MCTP1: variants seen among roughly 807,000 people sequenced by gnomAD.
MCTP1 encodes the protein multiple C2 and transmembrane domain-containing protein 1.
Under a neutral mutation model 120.6 loss-of-function variants are expected in MCTP1, and 69 were observed. The ratio of observed to expected loss-of-function variants is 0.57; its 90% CI spans 0.47 to 0.70. The LOEUF is 0.70. Ranked by LOEUF, MCTP1 falls within the 30% of genes least tolerant of loss-of-function variation. The probability of loss-of-function intolerance (pLI) is 0.00; values close to 1 mark genes in which losing one functional copy is unlikely to be tolerated. For missense variants in MCTP1, 1,203 were observed against 1,248.8 expected (o/e 0.96, Z 0.55); for synonymous variants, 529 against 493.1 (o/e 1.07, Z -0.96).
Position 94,707,514 on chromosome 5 carries a change from C to G in MCTP1, c.2982G>C (p.Lys994Asn), listed in dbSNP as rs748104132. Residue 994 changes from lysine (K) to asparagine (N), a missense_variant, in exon 23 of 23, where the codon AAG becomes AAC. Physicochemically the swap from Lys to Asn is moderately conservative, Grantham distance 94. Around this residue, in one of 2 missense-constraint regions of MCTP1, gnomAD observed 740 missense variants for 871.1 expected, o/e 0.85. Coordinates refer to ENST00000515393, the MANE Select transcript of MCTP1 (RefSeq NM_024717.7). Reference sequence around the variant, plus strand: ...GAGCTGGCTAGCCAAGATTGTTTTTCTTTCTTTTATATGGGCTATGAGAAG... The same window carrying G: ...GAGCTGGCTAGCCAAGATTGTTTTTGTTTCTTTTATATGGGCTATGAGAAG... The part of the protein sequence containing the change: ...PDPSHSPYKR[K>N]KNNLG 4 of 1,611,626 alleles carry G rather than the reference C, an allele frequency of 2.5e-6. No homozygotes were observed. The highest frequency in any genetic ancestry group is 3.4e-6 in the Non-Finnish European group (4 of 1,178,392).
At chr5:95,036,890 C>T (rs1452966200) in intron 1 of MCTP1, among the ~76,000 whole-genome samples, 4 of 132,920 alleles carry the variant, frequency 3.0e-5, no homozygotes. Context: ...GTTACCCTAC[C>T]CTTATCCAGA....
intron 1 of MCTP1, among the ~76,000 whole-genome samples, chr5:95,187,170 G>A (rs190261795): frequency 1.6e-4 from 24 of 152,314 alleles, no homozygotes; most frequent in Admixed American, 9.8e-4. Flanking sequence ...TTGCTGCACT[G>A]TTCACAATAG....
intron 2 of MCTP1, among the ~76,000 whole-genome samples, chr5:94,996,664 C>T (rs1350190720): frequency 6.6e-6 from 1 of 152,060 alleles, no homozygotes; most frequent in African/African-American, 2.4e-5. Context: ...TGTACATGTT[C>T]AGTAGAGATG....
intron 14 of MCTP1, 110 bp downstream of exon 14, chr5:94,871,205 A>G: frequency 1.3e-6 from 1 of 760,384 alleles, no homozygotes; most frequent in African/African-American, 1.8e-5. Flanking sequence ...TTCTTATTAC[A>G]GACCTTGGTT....
At chr5:95,063,800 G>A (rs1749890319) in intron 1 of MCTP1, among the ~76,000 whole-genome samples, 1 of 145,548 alleles carries the variant, frequency 6.9e-6, no homozygotes. Context: ...GTTTTGCCAT[G>A]TTGCCTAGGC....
intron 2 of MCTP1, among the ~76,000 whole-genome samples, chr5:94,984,364 A>G (rs1448683487): frequency 6.6e-6 from 1 of 152,196 alleles, no homozygotes. Context: ...TAAGGTAAAG[A>G]ACTGAATCAG....
chr5:94,977,444 A>AT (rs1222039504), intron 2 of MCTP1, among the ~76,000 whole-genome samples: 10 of 152,154 alleles, frequency 6.6e-5, no homozygotes, highest in African/African-American at 2.4e-4. Context: ...TTCCAATGAT[A>AT]TTTTTTACAG....
intron 1 of MCTP1, among the ~76,000 whole-genome samples, chr5:95,252,090 C>T (rs1262643443): frequency 2.6e-5 from 4 of 152,020 alleles, no homozygotes; most frequent in African/African-American, 7.2e-5. Flanking sequence ...TATAGCCAAG[C>T]AGATACAACC....
At chr5:95,026,908 ATTTCTACTTAGTCATGACCAG>A (rs1463004374) in intron 1 of MCTP1, among the ~76,000 whole-genome samples, 1 of 152,200 alleles carries the variant, frequency 6.6e-6, no homozygotes, top group Non-Finnish European at 1.5e-5. Context: ...ATCATTGAAG[ATTTCTACTTAGTCATGACCAG>A]TTTCTACTTA....
At chr5:94,854,464 A>C (rs1794352640) in intron 17 of MCTP1, among the ~76,000 whole-genome samples, 1 of 151,874 alleles carries the variant, frequency 6.6e-6, no homozygotes, top group African/African-American at 2.4e-5. Context: ...TTTTAATAGA[A>C]AATGTGCTAA....
At chr5:94,999,324 T>C (rs1487455969) in intron 2 of MCTP1, among the ~76,000 whole-genome samples, 1 of 152,212 alleles carries the variant, frequency 6.6e-6, no homozygotes, top group Non-Finnish European at 1.5e-5. Context: ...CTCTAATAAA[T>C]GCAACTGAGA....
At chr5:95,110,461 G>A (rs766604860) in intron 1 of MCTP1, among the ~76,000 whole-genome samples, 5 of 152,080 alleles carry the variant, frequency 3.3e-5, no homozygotes, top group Non-Finnish European at 5.9e-5. Context: ...AAGCAGCACA[G>A]TTCCAATATG....
chr5:95,234,813 C>CTTA (rs985249718), intron 1 of MCTP1, among the ~76,000 whole-genome samples: 1 of 152,090 alleles, frequency 6.6e-6, no homozygotes, highest in African/African-American at 2.4e-5. Context: ...ACTGAATAGC[C>CTTA]TTATAGCTAG....
chr5:95,270,152 T>C lies in MCTP1; in HGVS notation c.720+13704A>G, dbSNP rs554685720. ...TGGTAAGGAATAATTTTTTTTTAAG[T>C]AGAACTGTCATTTAAAAGTTGCTAG... On this transcript the variant is annotated intron_variant, in intron 1 of 22. Coordinates refer to ENST00000515393, the MANE Select transcript of MCTP1 (RefSeq NM_024717.7). 2.6e-5 allele frequency among the ~76,000 whole-genome samples: 4 copies of C among 152,310 alleles called. No homozygotes were observed. In the South Asian group the frequency reaches 8.3e-4, roughly 32 times the overall value.
At chr5:95,211,349 T>A (rs906433934) in intron 1 of MCTP1, among the ~76,000 whole-genome samples, 22 of 152,104 alleles carry the variant, frequency 1.4e-4, no homozygotes, top group African/African-American at 5.1e-4. Flanking sequence ...CATAGTCCCA[T>A]AATTCTTGGA....
At chr5:95,134,212 G>A (rs1759267755) in intron 1 of MCTP1, among the ~76,000 whole-genome samples, 1 of 152,172 alleles carries the variant, frequency 6.6e-6, no homozygotes, top group Admixed American at 6.5e-5. Flanking sequence ...AATCAGTGTA[G>A]TATGTTTATG....
chr5:94,806,611 T>C (rs1782355784), intron 17 of MCTP1, among the ~76,000 whole-genome samples: 1 of 152,224 alleles, frequency 6.6e-6, no homozygotes, highest in African/African-American at 2.4e-5. Flanking sequence ...GTGCGACACA[T>C]GACAGTATCC....
At chr5:94,993,383 C>G (rs1282011676) in intron 2 of MCTP1, among the ~76,000 whole-genome samples, 1 of 152,136 alleles carries the variant, frequency 6.6e-6, no homozygotes, top group Non-Finnish European at 1.5e-5. Context: ...TAAAACAACA[C>G]CTGGAACATA....
At chr5:94,733,971 A>G (rs1397432314) in intron 19 of MCTP1, among the ~76,000 whole-genome samples, 1 of 151,994 alleles carries the variant, frequency 6.6e-6, no homozygotes, top group Non-Finnish European at 1.5e-5. Flanking sequence ...CTGAAAAAAA[A>G]AAAAAGAAAA....
Sources: gnomAD v4.1 joint callset for allele counts (sites outside exome capture counted in the v4.1 genomes callset) on GRCh38, gnomAD v4.1.1 for gene constraint, gnomAD v4.1.1 regional missense constraint, MANE v1.5 for transcripts, NCBI Gene and HGNC (gene_info 2026-07-23, HGNC 2026-07-21) for gene names.